LIN7A: variants seen among roughly 807,000 people sequenced by gnomAD.
LIN7A encodes the protein lin-7 cell polarity scaffold A.
In LIN7A, 25 loss-of-function variants were observed where a neutral mutation model predicts 29.8. The ratio of observed to expected loss-of-function variants is 0.84; its 90% CI spans 0.61 to 1.17. The LOEUF is 1.17. Ranked by LOEUF, LIN7A falls within the 50% of genes most tolerant of loss-of-function variation. The probability of loss-of-function intolerance (pLI) is 0.00; values close to 1 mark genes in which losing one functional copy is unlikely to be tolerated. For synonymous variants in LIN7A, 118 were observed against 107.5 expected (o/e 1.10, Z -0.60); for missense variants, 239 against 287.0 (o/e 0.83, Z 1.21).
chr12:80,892,762 G>C (rs956294693), intron 1 of LIN7A, among the ~76,000 whole-genome samples: 7 of 152,170 alleles, frequency 4.6e-5, no homozygotes, highest in African/African-American at 9.7e-5. Context: ...GGCACAGAGT[G>C]GGGGGCTGGG....
intron 4 of LIN7A, among the ~76,000 whole-genome samples, chr12:80,828,418 G>C (rs1303495089): frequency 1.3e-5 from 2 of 152,014 alleles, no homozygotes; most frequent in East Asian, 1.9e-4. Context: ...GTACAGATGA[G>C]GCAAAATCTC....
intron 1 of LIN7A, among the ~76,000 whole-genome samples, chr12:80,893,270 C>T (rs1486206141): frequency 2.6e-5 from 4 of 152,136 alleles, no homozygotes; most frequent in Admixed American, 2.0e-4. Context: ...AGTGCTAAGG[C>T]GGTCGTTAGC....
In LIN7A at chr12:80,817,612, G is replaced by A. The variant is rs181572039; in HGVS notation, c.484-5929C>T. Among the ~76,000 whole-genome samples, 372 of 152,116 alleles carry A rather than the reference G, an allele frequency of 2.4e-3. 2 individuals carry two copies. Among genetic ancestry groups the A allele is most frequent in the African/African-American group, 8.5e-3 (354 of 41,506 alleles). ...TGATGTTATCATCATTTGGAGTAAA[G>A]GACATCAAGGGTATTAGGTAATTAT... On this transcript the variant is annotated intron_variant, in intron 4 of 5. Coordinates refer to ENST00000552864, the MANE Select transcript of LIN7A (RefSeq NM_004664.4).
chr12:80,896,198 G>T (rs902587968), intron 1 of LIN7A, among the ~76,000 whole-genome samples: 1 of 152,182 alleles, frequency 6.6e-6, no homozygotes, highest in Admixed American at 6.5e-5. Context: ...GGAGCATCCA[G>T]ACAGGAGGAC....
intron 4 of LIN7A, among the ~76,000 whole-genome samples, chr12:80,813,762 A>G (rs928523063): frequency 2.0e-5 from 3 of 152,126 alleles, no homozygotes; most frequent in African/African-American, 7.2e-5. Flanking sequence ...ACATAAGGAA[A>G]CCCTGGCTCC....
intron 2 of LIN7A, among the ~76,000 whole-genome samples, chr12:80,857,290 T>G (rs1427518566): frequency 6.6e-6 from 1 of 152,168 alleles, no homozygotes; most frequent in Non-Finnish European, 1.5e-5. Context: ...CTATATTTTA[T>G]CAGAAAAAGC....
intron 1 of LIN7A, among the ~76,000 whole-genome samples, chr12:80,898,319 A>G (rs528650088): frequency 2.1e-3 from 324 of 151,938 alleles, no homozygotes; most frequent in Non-Finnish European, 3.8e-3. Context: ...ATTCTGTTCT[A>G]TTGGTCTCTG....
chr12:80,888,354 T>C (rs1875443149), intron 2 of LIN7A, among the ~76,000 whole-genome samples: 1 of 152,138 alleles, frequency 6.6e-6, no homozygotes, highest in Non-Finnish European at 1.5e-5. Flanking sequence ...ACTAGTATTG[T>C]TGAGGCAAAA....
At chr12:80,865,760 T>C (rs896641086) in intron 2 of LIN7A, among the ~76,000 whole-genome samples, 7 of 152,218 alleles carry the variant, frequency 4.6e-5, no homozygotes, top group African/African-American at 1.7e-4. Flanking sequence ...AGGTAGATGA[T>C]GATAAGTTCC....
chr12:80,933,432 T>C (rs1396016023), intron 1 of LIN7A, among the ~76,000 whole-genome samples: 1 of 152,192 alleles, frequency 6.6e-6, no homozygotes, highest in Admixed American at 6.5e-5. Context: ...ATCTTATTAA[T>C]CTAATACACC....
rs963000406 is a variant in LIN7A at position 80,878,454 on chromosome 12, G to A, written c.201+10797C>T. Among the ~76,000 whole-genome samples the A allele has an allele frequency of 3.3e-5, 5 of 152,172 alleles. No individual in the cohort carries two copies. The East Asian group carries it at 9.6e-4, about 29-fold the overall frequency. On this transcript the variant is annotated intron_variant, in intron 2 of 5. Transcript: ENST00000552864. ...AGTGTGTCTGGAGTTTGTTCCTGCT[G>A]GTGGGTTTGTGGTCTCGCTGACTTC...
chr12:80,932,430 G>T (rs537127678), intron 1 of LIN7A, among the ~76,000 whole-genome samples: 8 of 152,280 alleles, frequency 5.3e-5, no homozygotes, highest in African/African-American at 1.4e-4. Context: ...AAGAAATAAA[G>T]ATTTCCATTT....
At position 80,874,154 on chromosome 12, in the gene LIN7A, A is replaced by G. The variant is rs562268512; in HGVS notation, c.201+15097T>C. On this transcript the variant is annotated intron_variant, in intron 2 of 5. Transcript: ENST00000552864. Reference sequence around the variant, plus strand: ...ACAGGTCCCATGTCAACCATGGGAAAAACAAGGTAGTTTGGGATAACAAGA... The same window carrying G: ...ACAGGTCCCATGTCAACCATGGGAAGAACAAGGTAGTTTGGGATAACAAGA... Among the ~76,000 whole-genome samples, 259 of 152,310 alleles carry G rather than the reference A, an allele frequency of 1.7e-3. 1 individual carries two copies. The highest frequency in any genetic ancestry group is 6.8e-3 in the Middle Eastern group (2 of 294).
intron 4 of LIN7A, among the ~76,000 whole-genome samples, chr12:80,817,172 T>G (rs889383667): frequency 2.0e-5 from 3 of 152,222 alleles, no homozygotes; most frequent in African/African-American, 7.2e-5. Flanking sequence ...TATGCTCGTA[T>G]TTCTGGTATG....
intron 2 of LIN7A, among the ~76,000 whole-genome samples, chr12:80,869,399 C>T (rs1874312281): frequency 3.3e-5 from 5 of 151,976 alleles, no homozygotes; most frequent in Admixed American, 3.3e-4. Context: ...CACTTCTAAC[C>T]AGCTCAAACT....
intron 2 of LIN7A, among the ~76,000 whole-genome samples, chr12:80,865,970 G>A (rs1874116811): frequency 6.6e-6 from 1 of 152,152 alleles, no homozygotes; most frequent in Non-Finnish European, 1.5e-5. Flanking sequence ...TCAGACAAGA[G>A]GTAAGGTATT....
intron 4 of LIN7A, among the ~76,000 whole-genome samples, chr12:80,828,852 C>T (rs1872208192): frequency 6.6e-6 from 1 of 151,974 alleles, no homozygotes; most frequent in Non-Finnish European, 1.5e-5. Context: ...GAGAAACGTT[C>T]AGATGCATGC....
intron 1 of LIN7A, among the ~76,000 whole-genome samples, chr12:80,919,568 G>T (rs1877194743): frequency 6.6e-6 from 1 of 152,126 alleles, no homozygotes; most frequent in Non-Finnish European, 1.5e-5. Context: ...TGGAAAACAA[G>T]AGGTGTAGAC....
At chr12:80,886,494 G>A (rs370390046) in intron 2 of LIN7A, among the ~76,000 whole-genome samples, 2 of 151,954 alleles carry the variant, frequency 1.3e-5, no homozygotes, top group African/African-American at 2.4e-5. Flanking sequence ...GAATAATAAA[G>A]AAATTCCAAA....
Sources: gnomAD v4.1 joint callset for allele counts (sites outside exome capture counted in the v4.1 genomes callset) on GRCh38, gnomAD v4.1.1 for gene constraint, MANE v1.5 for transcripts, NCBI Gene and HGNC (gene_info 2026-07-23, HGNC 2026-07-21) for gene names.